RAB27B: variants seen among roughly 807,000 people sequenced by gnomAD.
RAB27B encodes the protein RAB27B, member RAS oncogene family.
Under a neutral mutation model 24.6 loss-of-function variants are expected in RAB27B, and 15 were observed. That is an observed-to-expected ratio of 0.61 (90% CI 0.41 to 0.94). RAB27B has a LOEUF of 0.94. RAB27B is among the 40% of genes least tolerant of loss of function. RAB27B has a pLI of 0.00. For synonymous variants in RAB27B, 105 were observed against 92.5 expected (o/e 1.14, Z -0.78); for missense variants, 261 against 266.8 (o/e 0.98, Z 0.15).
rs1038235123 is a variant in RAB27B at position 54,894,627 on chromosome 18, A to G, written c.*5214A>G. ...CTTGGGACCATGAGTAGGTCATTAA[A>G]TAGCTTAGTGATTTATCCTCATATA... is the stretch of plus-strand genomic sequence containing the variant. On this transcript the variant is annotated 3_prime_UTR_variant, in exon 6 of 6. Transcript: ENST00000262094. 3 of 152,098 alleles carry G rather than the reference A, an allele frequency of 2.0e-5. No homozygotes were observed. Among genetic ancestry groups the G allele is most frequent in the African/African-American group, 7.2e-5 (3 of 41,434 alleles). The allele number at this position is 152,098 out of a possible 1,614,324, so 9.4% of individuals were successfully genotyped here.
At chr18:54,745,562 A>T (rs1389192860) in intron 2 of RAB27B, 1 of 158,594 alleles carries the variant, frequency 6.3e-6, no homozygotes, top group Non-Finnish European at 1.4e-5. Context: ...CCAGATGGGT[A>T]GGAACAACCA....
chr18:54,829,369 G>A (rs1403800413), intron 1 of RAB27B, among the ~76,000 whole-genome samples: 2 of 152,204 alleles, frequency 1.3e-5, no homozygotes, highest in Non-Finnish European at 2.9e-5. Context: ...TGTAAGCAGA[G>A]ACTGCATTCC....
intron 1 of RAB27B, among the ~76,000 whole-genome samples, chr18:54,866,532 A>G (rs1912234891): frequency 1.3e-5 from 2 of 152,344 alleles, no homozygotes; most frequent in East Asian, 3.9e-4. Flanking sequence ...TCCTGGCCTC[A>G]GGTGATCCGC....
chr18:54,808,321 A>G (rs193167663), intron 2 of RAB27B, among the ~76,000 whole-genome samples: 1 of 152,238 alleles, frequency 6.6e-6, no homozygotes, highest in African/African-American at 2.4e-5. Context: ...GGCATCTCCA[A>G]TTCAATCCAC....
intron 2 of RAB27B, among the ~76,000 whole-genome samples, chr18:54,778,205 A>C (rs1908777686): frequency 6.6e-6 from 1 of 152,200 alleles, no homozygotes; most frequent in African/African-American, 2.4e-5. Flanking sequence ...CAGGGTTAGC[A>C]TTTGGGCATT....
intron 2 of RAB27B, among the ~76,000 whole-genome samples, chr18:54,731,580 T>C (rs576314015): frequency 6.6e-6 from 1 of 152,092 alleles, no homozygotes; most frequent in East Asian, 1.9e-4. Context: ...ATTAGCCAGG[T>C]GTGGTGGCGC....
rs138888050 is a variant in RAB27B at position 54,877,211 on chromosome 18, G to A, written c.-19-356G>A. 2.2e-4 allele frequency among the ~76,000 whole-genome samples: 33 copies of A among 152,202 alleles called. 1 individual carries two copies. In the East Asian group the frequency reaches 5.8e-3, roughly 27 times the overall value. Reference sequence around the variant, plus strand: ...GAGATTCCTTCTGCAATGATTGTAAGTTTCTTGAGGCCTCCCCAGCCATGT... The same window carrying A: ...GAGATTCCTTCTGCAATGATTGTAAATTTCTTGAGGCCTCCCCAGCCATGT... On this transcript the variant is annotated intron_variant, in intron 1 of 5. Transcript: ENST00000262094.
At chr18:54,766,355 G>T (rs973055300) in intron 2 of RAB27B, among the ~76,000 whole-genome samples, 6 of 152,172 alleles carry the variant, frequency 3.9e-5, no homozygotes, top group African/African-American at 1.4e-4. Context: ...GAAGCAGGCA[G>T]GCATATGCAA....
At chr18:54,743,607 G>C (rs1271500695) in intron 2 of RAB27B, among the ~76,000 whole-genome samples, 1 of 152,166 alleles carries the variant, frequency 6.6e-6, no homozygotes, top group East Asian at 1.9e-4. Flanking sequence ...ATGATGACTG[G>C]TGGATGCCTG....
intron 2 of RAB27B, among the ~76,000 whole-genome samples, chr18:54,766,313 C>T (rs151094091): frequency 3.2e-4 from 48 of 152,184 alleles, no homozygotes; most frequent in African/African-American, 9.4e-4. Flanking sequence ...CCCTGTAAAT[C>T]GAAGCTAAAG....
chr18:54,769,278 A>G (rs1178557462), intron 2 of RAB27B, among the ~76,000 whole-genome samples: 2 of 152,366 alleles, frequency 1.3e-5, no homozygotes, highest in African/African-American at 4.8e-5. Flanking sequence ...GGTAATCCTT[A>G]AAGTTCCAAA....
At chr18:54,849,445 C>A (rs141672449) in intron 1 of RAB27B, among the ~76,000 whole-genome samples, 1 of 152,174 alleles carries the variant, frequency 6.6e-6, no homozygotes, top group Non-Finnish European at 1.5e-5. Context: ...TGGCCAGGAG[C>A]GGTGGCTCAT....
intron 2 of RAB27B, among the ~76,000 whole-genome samples, chr18:54,780,510 C>T (rs1010132107): frequency 6.6e-6 from 1 of 151,598 alleles, no homozygotes; most frequent in Non-Finnish European, 1.5e-5. Flanking sequence ...CACCGTGTCT[C>T]CCCTTTCTTG....
At chr18:54,737,110 TTCTC>T (rs1909920153) in intron 2 of RAB27B, among the ~76,000 whole-genome samples, 1 of 151,432 alleles carries the variant, frequency 6.6e-6, no homozygotes, top group African/African-American at 2.4e-5. Flanking sequence ...CTCAAAATGA[TTCTC>T]TCTGTGGAAA....
At chr18:54,884,614 C>T (rs1308391310) in intron 4 of RAB27B, among the ~76,000 whole-genome samples, 178 bp downstream of exon 4, 2 of 152,070 alleles carry the variant, frequency 1.3e-5, no homozygotes, top group Non-Finnish European at 2.9e-5. Flanking sequence ...GTGGACCACC[C>T]TAGGTAGCTT....
intron 2 of RAB27B, among the ~76,000 whole-genome samples, chr18:54,780,103 C>T (rs962977890): frequency 1.4e-5 from 2 of 143,632 alleles, no homozygotes; most frequent in Non-Finnish European, 3.0e-5. Flanking sequence ...GACAGCTTCC[C>T]CATCACCCTG....
upstream of RAB27B, chr18:54,828,360 C>T (rs1910545158): frequency 6.6e-6 from 1 of 152,248 alleles, no homozygotes; most frequent in Admixed American, 6.5e-5. Flanking sequence ...GCAAGACTTG[C>T]CTGAGGTGAG....
intron 2 of RAB27B, among the ~76,000 whole-genome samples, chr18:54,821,662 T>G (rs552098175): frequency 6.6e-6 from 1 of 152,296 alleles, no homozygotes; most frequent in South Asian, 2.1e-4. Flanking sequence ...AATTATAAGG[T>G]TTATTGACAT....
chr18:54,739,302 A>G (rs1408457657), intron 2 of RAB27B, among the ~76,000 whole-genome samples: 1 of 152,006 alleles, frequency 6.6e-6, no homozygotes, highest in Non-Finnish European at 1.5e-5. Flanking sequence ...TAAAAATACA[A>G]AAAGTTAGCC....
Sources: gnomAD v4.1 joint callset for allele counts (sites outside exome capture counted in the v4.1 genomes callset) on GRCh38, gnomAD v4.1.1 for gene constraint, MANE v1.5 for transcripts, NCBI Gene and HGNC (gene_info 2026-07-23, HGNC 2026-07-21) for gene names.